HIF1A: variants seen among roughly 807,000 people sequenced by gnomAD.
HIF1A encodes hypoxia inducible factor 1 subunit alpha.
Under a neutral mutation model 92.7 loss-of-function variants are expected in HIF1A, and 24 were observed. That is an observed-to-expected ratio of 0.26 (90% CI 0.19 to 0.36). The LOEUF is 0.36. HIF1A is among the 10% of genes least tolerant of loss of function. HIF1A has a pLI of 1.00. For synonymous variants in HIF1A, 319 were observed against 338.7 expected (o/e 0.94, Z 0.64); for missense variants, 799 against 998.5 (o/e 0.80, Z 2.69).
At chr14:61,710,418 T>G (rs2044293670) in intron 1 of HIF1A, among the ~76,000 whole-genome samples, 1 of 152,312 alleles carries the variant, frequency 6.6e-6, no homozygotes, top group East Asian at 1.9e-4. Context: ...GTTAGACTCA[T>G]AGAAGATGAT....
chr14:61,703,196 G>C (rs2044197054), intron 1 of HIF1A, among the ~76,000 whole-genome samples: 1 of 152,144 alleles, frequency 6.6e-6, no homozygotes, highest in Non-Finnish European at 1.5e-5. Context: ...GGGTCAAAAA[G>C]TATCCATTTT....
rs768221898 is a variant in HIF1A at position 61,745,657 on chromosome 14, C to T, written c.2203-34C>T. ...TTGGTTGTTTAAAAAAAAAATTCAACAAACTAAACTTGAAATAACTTTACT... is the reference window on the plus strand; with the variant it reads ...TTGGTTGTTTAAAAAAAAAATTCAATAAACTAAACTTGAAATAACTTTACT... On this transcript the variant is annotated intron_variant, in intron 13 of 14. Transcript: ENST00000337138. 4.4e-6 allele frequency: 7 copies of T among 1,586,792 alleles called. No individual in the cohort carries two copies. The Admixed American group carries it at 7.3e-5, about 16-fold the overall frequency.
chr14:61,701,856 C>T (rs1016158517), intron 1 of HIF1A, among the ~76,000 whole-genome samples: 4 of 151,890 alleles, frequency 2.6e-5, no homozygotes, highest in Non-Finnish European at 5.9e-5. Context: ...GGCGTGGTGG[C>T]GGGTGCCTGT....
At chr14:61,741,238 A>G in intron 12 of HIF1A, 50 bp downstream of exon 12, 1 of 1,292,448 alleles carries the variant, frequency 7.7e-7, no homozygotes, top group South Asian at 1.4e-5. Context: ...TTTTTGAGAT[A>G]AATGTATGTG....
rs980392993 is a variant in HIF1A, at chr14:61,702,409, C to T, written c.35+6570C>T. Among the ~76,000 whole-genome samples, 15 of 145,492 alleles carry T rather than the reference C, an allele frequency of 1.0e-4. No individual in the cohort carries two copies. In the Admixed American group the frequency reaches 1.0e-3, roughly 10 times the overall value. ...GAGCCAAGATCGCGCCACTGCACTCCAGCCTGATGACAGTGTGAGATGCTG... is the reference window on the plus strand; with the variant it reads ...GAGCCAAGATCGCGCCACTGCACTCTAGCCTGATGACAGTGTGAGATGCTG... On this transcript the variant is annotated intron_variant, in intron 1 of 14. Transcript: ENST00000337138.
chr14:61,746,392 CTTT>C (rs754879947), intron 14 of HIF1A, among the ~76,000 whole-genome samples: 4 of 49,464 alleles, frequency 8.1e-5, no homozygotes, highest in Admixed American at 2.8e-4. Context: ...TTTATGACTT[CTTT>C]TTTTTTTTTT....
chr14:61,712,001 T>C (rs149646096), intron 1 of HIF1A, among the ~76,000 whole-genome samples: 55 of 152,320 alleles, frequency 3.6e-4, no homozygotes, highest in African/African-American at 1.2e-3. Context: ...TTGAACAAAA[T>C]AGACAAAAGT....
At chr14:61,741,350 TTTTCTTTTTC>T (rs912171462) in intron 12 of HIF1A, among the ~76,000 whole-genome samples, 162 bp downstream of exon 12, 1 of 134,492 alleles carries the variant, frequency 7.4e-6, no homozygotes, top group African/African-American at 2.6e-5. Flanking sequence ...CTCATATATT[TTTTCTTTTTC>T]TTTCTTTTTT....
chr14:61,713,653 G>A (rs1014023759), intron 1 of HIF1A, among the ~76,000 whole-genome samples: 9 of 152,002 alleles, frequency 5.9e-5, no homozygotes, highest in African/African-American at 1.5e-4. Flanking sequence ...CCCATACCTC[G>A]CCCTACACAT....
intron 8 of HIF1A, among the ~76,000 whole-genome samples, chr14:61,734,840 A>G (rs1442371883): frequency 6.6e-6 from 1 of 152,230 alleles, no homozygotes; most frequent in African/African-American, 2.4e-5. Context: ...TAGCACACCA[A>G]CATGGCACAT....
At chr14:61,725,215 G>A (rs2044488540) in intron 4 of HIF1A, among the ~76,000 whole-genome samples, 1 of 152,092 alleles carries the variant, frequency 6.6e-6, no homozygotes, top group African/African-American at 2.4e-5. Flanking sequence ...TAAGTCTCAA[G>A]TACCAACTCT....
At chr14:61,731,048 G>C (rs1434703682) in intron 6 of HIF1A, among the ~76,000 whole-genome samples, 1 of 152,026 alleles carries the variant, frequency 6.6e-6, no homozygotes, top group Non-Finnish European at 1.5e-5. Flanking sequence ...CTTTTCCTTT[G>C]TATATTTATT....
rs57442303 is a variant in HIF1A at position 61,735,848 on chromosome 14, T to C, written c.1029-1041T>C. On this transcript the variant is annotated intron_variant, in intron 8 of 14. Coordinates refer to ENST00000337138, the MANE Select transcript of HIF1A (RefSeq NM_001530.4). ...TATCCTTAGATCATGCCTCACATAT[T>C]GATGCCAAAGAGTTCTTTTGTGCCA... 5.1e-3 allele frequency among the ~76,000 whole-genome samples: 778 copies of C among 152,328 alleles called. 6 individuals are homozygous for C. The highest frequency in any genetic ancestry group is 0.018 in the African/African-American group (730 of 41,578).
At chr14:61,710,429 C>T (rs928100532) in intron 1 of HIF1A, among the ~76,000 whole-genome samples, 1 of 152,072 alleles carries the variant, frequency 6.6e-6, no homozygotes, top group African/African-American at 2.4e-5. Context: ...AGAAGATGAT[C>T]AAGAAATATT....
chr14:61,734,505 C>T (rs1053201964), intron 8 of HIF1A, among the ~76,000 whole-genome samples: 2 of 152,158 alleles, frequency 1.3e-5, no homozygotes, highest in African/African-American at 2.4e-5. Context: ...TATCCCCATA[C>T]CTTCACTCCT....
chr14:61,719,690 A>G lies in HIF1A; in HGVS notation c.36-692A>G, dbSNP rs111797454. On this transcript the variant is annotated intron_variant, in intron 1 of 14. Transcript: ENST00000337138. The stretch of plus-strand genomic sequence containing the variant: ...TTGACACCTTTATTTTTGCTAACCT[A>G]TCCCTCTAAATTCTGGATATTGTGT... 6.2e-3 allele frequency among the ~76,000 whole-genome samples: 945 copies of G among 152,260 alleles called. 13 individuals carry two copies. The highest frequency in any genetic ancestry group is 0.021 in the African/African-American group (855 of 41,540).
intron 1 of HIF1A, among the ~76,000 whole-genome samples, chr14:61,703,070 T>G (rs920444548): frequency 1.3e-5 from 2 of 152,206 alleles, no homozygotes; most frequent in Non-Finnish European, 2.9e-5. Flanking sequence ...CATTACTGCC[T>G]TTTTATCAAA....
chr14:61,735,446 T>A (rs1011188923), intron 8 of HIF1A, among the ~76,000 whole-genome samples: 2 of 152,200 alleles, frequency 1.3e-5, no homozygotes, highest in African/African-American at 2.4e-5. Flanking sequence ...CACACCCCAG[T>A]CTGCCTAGCA....
intron 7 of HIF1A, 99 bp from the exon 8 acceptor site, chr14:61,734,039 T>C: frequency 4.9e-6 from 4 of 817,038 alleles, no homozygotes; most frequent in Non-Finnish European, 7.2e-6. Context: ...AAACATTTGT[T>C]TTCCAAAACA....
Sources: gnomAD v4.1 joint callset for allele counts (sites outside exome capture counted in the v4.1 genomes callset) on GRCh38, gnomAD v4.1.1 for gene constraint, MANE v1.5 for transcripts, NCBI Gene and HGNC (gene_info 2026-07-23, HGNC 2026-07-21) for gene names.